The following MALRD1 variants were observed in gnomAD, a reference collection of about 807,000 sequenced individuals.
MALRD1 encodes the protein MAM and LDL-receptor class A domain-containing protein 1.
Under a neutral mutation model 242.1 loss-of-function variants are expected in MALRD1, and 247 were observed. That is an observed-to-expected ratio of 1.02 (90% CI 0.92 to 1.13). The LOEUF is 1.13. Ranked by LOEUF, MALRD1 falls within the 50% of genes most tolerant of loss-of-function variation. The pLI is 0.00. For missense variants in MALRD1, 2,989 were observed against 2,533.1 expected (o/e 1.18, Z -3.86); for synonymous variants, 995 against 866.6 (o/e 1.15, Z -2.60).
chr10:19,161,027 C>T (rs1459030890), intron 12 of MALRD1, among the ~76,000 whole-genome samples: 1 of 151,428 alleles, frequency 6.6e-6, no homozygotes, highest in Admixed American at 6.6e-5. Flanking sequence ...GAGTATAAAT[C>T]ATGCTGCTAT....
intron 26 of MALRD1, among the ~76,000 whole-genome samples, chr10:19,358,889 C>T (rs1188992807): frequency 6.6e-6 from 1 of 152,146 alleles, no homozygotes; most frequent in Non-Finnish European, 1.5e-5. Context: ...GGGTTCAGTT[C>T]TCCTTTGCCT....
chr10:19,512,538 C>T (rs959981579), intron 31 of MALRD1, among the ~76,000 whole-genome samples: 3 of 152,072 alleles, frequency 2.0e-5, no homozygotes, highest in African/African-American at 7.2e-5. Flanking sequence ...TCAAGAATAC[C>T]CCATAAAAGA....
intron 33 of MALRD1, among the ~76,000 whole-genome samples, chr10:19,585,481 A>G (rs1222452404): frequency 6.6e-6 from 1 of 152,004 alleles, no homozygotes; most frequent in Middle Eastern, 3.2e-3. Flanking sequence ...TCCTTCATTT[A>G]TGAAGCTTAG....
intron 34 of MALRD1, among the ~76,000 whole-genome samples, chr10:19,605,932 A>G (rs539691092): frequency 1.2e-4 from 18 of 152,176 alleles, no homozygotes; most frequent in Admixed American, 7.2e-4. Flanking sequence ...TGGAAGCTCA[A>G]TATTTTTTTT....
At chr10:19,276,008 G>T (rs989515763) in intron 19 of MALRD1, among the ~76,000 whole-genome samples, 2 of 152,052 alleles carry the variant, frequency 1.3e-5, no homozygotes, top group Non-Finnish European at 2.9e-5. Flanking sequence ...TGAAATTAAC[G>T]CATTTCAAAA....
At chr10:19,119,953 G>A (rs1240011853) in intron 5 of MALRD1, among the ~76,000 whole-genome samples, 1 of 152,190 alleles carries the variant, frequency 6.6e-6, no homozygotes, top group African/African-American at 2.4e-5. Flanking sequence ...TGCAAAGGCG[G>A]TTTCAAGATT....
intron 30 of MALRD1, chr10:19,493,293 CACTT>C (rs1315062966): frequency 6.6e-6 from 1 of 152,020 alleles, no homozygotes; most frequent in Non-Finnish European, 1.5e-5. Context: ...TGGCTTGTGT[CACTT>C]ACCCTAATGT....
chr10:19,175,230 T>G lies in MALRD1; in HGVS notation c.1853T>G (p.Leu618Trp). Residue 618 changes from leucine (L) to tryptophan (W), a missense_variant, in exon 14 of 40, where the codon TTG becomes TGG. By Grantham distance (61) the Leu-to-Trp change is moderately conservative. Transcript: ENST00000454679. ...PFQLILEATVLSSNATVALDD... is the reference protein window; with the variant it reads ...PFQLILEATVWSSNATVALDD... ...TAGTTAATTTTGGAAGCTACTGTTTTGTCGTCAAATGCTACCGTTGCTCTA... is the reference window on the plus strand; with the variant it reads ...TAGTTAATTTTGGAAGCTACTGTTTGGTCGTCAAATGCTACCGTTGCTCTA... 8.1e-7 allele frequency: 1 copy of G among 1,230,078 alleles called. No individual in the cohort carries two copies. The highest frequency in any genetic ancestry group is 1.0e-6 in the Non-Finnish European group (1 of 986,888). The allele number at this position is 1,230,078 out of a possible 1,614,324, so 76.2% of individuals were successfully genotyped here.
intron 28 of MALRD1, among the ~76,000 whole-genome samples, chr10:19,392,707 CA>C (rs1383599882): frequency 6.6e-6 from 1 of 151,894 alleles, no homozygotes; most frequent in African/African-American, 2.4e-5. Flanking sequence ...ATAAGAGGAT[CA>C]AAAAAATTGA....
At chr10:19,499,455 A>AC (rs1028161645) in intron 31 of MALRD1, among the ~76,000 whole-genome samples, 26 of 151,678 alleles carry the variant, frequency 1.7e-4, no homozygotes, top group African/African-American at 5.3e-4. Context: ...GAAAAAAAAA[A>AC]AAAAAAACCA....
In MALRD1 at chr10:19,463,973, T is replaced by C. The variant is rs776089992; in HGVS notation, c.5029+13483T>C. On this transcript the variant is annotated intron_variant, in intron 29 of 39. Transcript: ENST00000454679. ...TTCATTTCCCTGATCATTAGTGATG[T>C]TGAACATTTTTTCATATGTTTGTTG... 7.3e-4 allele frequency among the ~76,000 whole-genome samples: 111 copies of C among 152,224 alleles called. 1 individual carries two copies. Among genetic ancestry groups the C allele is most frequent in the Non-Finnish European group, 7.6e-4 (52 of 68,038 alleles).
chr10:19,485,619 G>T (rs11010140), intron 29 of MALRD1, among the ~76,000 whole-genome samples: 35,501 of 150,078 alleles, frequency 0.24, 5,121 homozygotes, highest in East Asian at 0.41. Context: ...CTCCAGCCTG[G>T]GCGACAGAGC....
intron 29 of MALRD1, among the ~76,000 whole-genome samples, chr10:19,464,174 C>T (rs1267144906): frequency 6.6e-6 from 1 of 152,178 alleles, no homozygotes; most frequent in Non-Finnish European, 1.5e-5. Flanking sequence ...TGTCTGTTTA[C>T]TCTGCTCACT....
At chr10:19,506,799 A>G (rs1176303402) in intron 31 of MALRD1, among the ~76,000 whole-genome samples, 3 of 152,216 alleles carry the variant, frequency 2.0e-5, no homozygotes, top group Non-Finnish European at 4.4e-5. Context: ...TTGCTTTCAA[A>G]TAATTCTGTA....
intron 36 of MALRD1, among the ~76,000 whole-genome samples, chr10:19,655,688 AT>A (rs1021959007): frequency 6.6e-6 from 1 of 151,570 alleles, no homozygotes; most frequent in African/African-American, 2.4e-5. Context: ...TAGGATAAAG[AT>A]TTTCTTTTAG....
At chr10:19,338,894 T>C (rs183970559) in intron 24 of MALRD1, among the ~76,000 whole-genome samples, 30 of 149,940 alleles carry the variant, frequency 2.0e-4, no homozygotes, top group Non-Finnish European at 2.5e-4. Context: ...CGCACATATA[T>C]ACATATATTA....
At chr10:19,501,187 C>G (rs547626730) in intron 31 of MALRD1, among the ~76,000 whole-genome samples, 9 of 152,102 alleles carry the variant, frequency 5.9e-5, no homozygotes, top group Admixed American at 3.3e-4. Context: ...TGTTCCAGAG[C>G]TAGATCAGCC....
At chr10:19,288,361 C>T (rs149490023) in intron 21 of MALRD1, among the ~76,000 whole-genome samples, 108 of 151,978 alleles carry the variant, frequency 7.1e-4, no homozygotes, top group African/African-American at 2.5e-3. Context: ...TGATAACAAC[C>T]CTGTTGTGTT....
intron 14 of MALRD1, among the ~76,000 whole-genome samples, chr10:19,199,813 T>TAAATA (rs10631948): frequency 0.13 from 19,788 of 148,580 alleles, 1,592 homozygotes; most frequent in South Asian, 0.25. Context: ...AATAAATAAA[T>TAAATA]AAATAAAATA....
Sources: gnomAD v4.1 joint callset for allele counts (sites outside exome capture counted in the v4.1 genomes callset) on GRCh38, gnomAD v4.1.1 for gene constraint, MANE v1.5 for transcripts, NCBI Gene and HGNC (gene_info 2026-07-23, HGNC 2026-07-21) for gene names.